The following CMSS1 variants were observed in gnomAD, a reference collection of about 807,000 sequenced individuals.
CMSS1 encodes cms1 ribosomal small subunit homolog, also known as protein CMSS1.
A neutral mutation model predicts 43.5 loss-of-function variants in CMSS1; 33 were observed. The ratio of observed to expected loss-of-function variants is 0.76; its 90% CI spans 0.57 to 1.01. The LOEUF (loss-of-function observed/expected upper bound fraction) is 1.01, where lower values mean the gene tolerates loss of function less well. Ranked by LOEUF, CMSS1 falls within the 50% of genes least tolerant of loss-of-function variation. The pLI is 0.00. For missense variants in CMSS1, 313 were observed against 326.4 expected (o/e 0.96, Z 0.32); for synonymous variants, 115 against 117.2 (o/e 0.98, Z 0.12).
At chr3:100,095,035 A>C (rs971221638) in intron 1 of CMSS1, among the ~76,000 whole-genome samples, 1 of 151,918 alleles carries the variant, frequency 6.6e-6, no homozygotes, top group African/African-American at 2.4e-5. Context: ...GTTGTGAAAA[A>C]CCAGGCAGGC....
intron 1 of CMSS1, among the ~76,000 whole-genome samples, chr3:99,834,576 C>A (rs1457456698): frequency 6.6e-6 from 1 of 152,218 alleles, no homozygotes; most frequent in Non-Finnish European, 1.5e-5. Context: ...AATATACTAA[C>A]CTTAAATACT....
chr3:100,077,041 G>C (rs1215081253), intron 1 of CMSS1, among the ~76,000 whole-genome samples: 1 of 152,152 alleles, frequency 6.6e-6, no homozygotes, highest in Non-Finnish European at 1.5e-5. Context: ...GGCTGGCCAG[G>C]GTACGCTTAC....
At chr3:100,075,697 A>T (rs994254791) in intron 1 of CMSS1, 6 of 152,064 alleles carry the variant, frequency 3.9e-5, no homozygotes, top group African/African-American at 1.4e-4. Flanking sequence ...ATTACACAAC[A>T]TGGTAATAAC....
intron 1 of CMSS1, among the ~76,000 whole-genome samples, chr3:100,108,970 G>C (rs890318598): frequency 1.3e-5 from 2 of 151,838 alleles, no homozygotes; most frequent in Non-Finnish European, 2.9e-5. Context: ...GGTACTTAGA[G>C]TTTATTGCGT....
intron 1 of CMSS1, among the ~76,000 whole-genome samples, chr3:100,001,896 G>T (rs1429825671): frequency 6.6e-6 from 1 of 152,198 alleles, no homozygotes; most frequent in Non-Finnish European, 1.5e-5. Context: ...AGCATAGAAG[G>T]TCGGGGACCC....
At chr3:100,133,122 A>G (rs1365218489) in intron 1 of CMSS1, among the ~76,000 whole-genome samples, 8 of 152,138 alleles carry the variant, frequency 5.3e-5, no homozygotes, top group Admixed American at 5.2e-4. Context: ...GTTACATATA[A>G]TGATGTTTAT....
intron 1 of CMSS1, among the ~76,000 whole-genome samples, chr3:100,048,750 A>G (rs2065319891): frequency 6.6e-6 from 1 of 152,170 alleles, no homozygotes; most frequent in South Asian, 2.1e-4. Flanking sequence ...ATGGACAAAG[A>G]CTGGGATTCC....
chr3:100,010,983 C>T (rs1710137243), intron 1 of CMSS1, among the ~76,000 whole-genome samples: 1 of 151,782 alleles, frequency 6.6e-6, no homozygotes, highest in South Asian at 2.1e-4. Context: ...CCTTTTAAAA[C>T]AGTTATTTAA....
At chr3:99,969,870 C>G (rs1163440271) in intron 1 of CMSS1, among the ~76,000 whole-genome samples, 1 of 152,064 alleles carries the variant, frequency 6.6e-6, no homozygotes, top group Admixed American at 6.6e-5. Context: ...TGCCAAGTGC[C>G]CTAGTCATGA....
intron 1 of CMSS1, among the ~76,000 whole-genome samples, chr3:99,844,921 C>G (rs1024397422): frequency 6.6e-6 from 1 of 152,182 alleles, no homozygotes; most frequent in Non-Finnish European, 1.5e-5. Flanking sequence ...TGTAAGTTTC[C>G]TGAGGCCTCC....
chr3:100,050,244 C>G (rs1489816), intron 1 of CMSS1, among the ~76,000 whole-genome samples: 28,081 of 152,032 alleles, frequency 0.18, 2,934 homozygotes, highest in South Asian at 0.25. Context: ...CACTGTGGTG[C>G]TGTATTAACC....
At chr3:100,034,438 G>A (rs1487218718) in intron 1 of CMSS1, among the ~76,000 whole-genome samples, 1 of 152,104 alleles carries the variant, frequency 6.6e-6, no homozygotes, top group Non-Finnish European at 1.5e-5. Flanking sequence ...TTTCACACTG[G>A]CTTTAGTAAG....
At chr3:100,081,846 T>G (rs947187454) in intron 1 of CMSS1, among the ~76,000 whole-genome samples, 9 of 152,182 alleles carry the variant, frequency 5.9e-5, no homozygotes, top group African/African-American at 2.2e-4. Flanking sequence ...TTGTAGGATG[T>G]TTAGCAGCAT....
Position 100,055,142 on chromosome 3 carries a change from C to T in CMSS1, c.65-91831C>T, listed in dbSNP as rs1575997156. Among the ~76,000 whole-genome samples the T allele has an allele frequency of 2.6e-5, 4 of 152,314 alleles. No individual in the cohort carries two copies. The South Asian group carries it at 8.3e-4, about 32-fold the overall frequency. ...GGTCTGCCCTTCAGAACATTCTCAG[C>T]AGCTCCTATCCCAATTCAGGTCTCC... is the stretch of plus-strand genomic sequence containing the variant. On this transcript the variant is annotated intron_variant, in intron 1 of 9. Coordinates refer to ENST00000421999, the MANE Select transcript of CMSS1 (RefSeq NM_032359.4).
chr3:99,827,928 G>C (rs893342558), intron 1 of CMSS1, among the ~76,000 whole-genome samples: 3 of 152,096 alleles, frequency 2.0e-5, no homozygotes, highest in Non-Finnish European at 4.4e-5. Context: ...TTAGTACTTT[G>C]TATACTATCT....
chr3:99,959,832 A>G (rs934379850), intron 1 of CMSS1, among the ~76,000 whole-genome samples: 1 of 152,182 alleles, frequency 6.6e-6, no homozygotes. Context: ...ATTACCCAAC[A>G]GTAAGATTAT....
intron 1 of CMSS1, among the ~76,000 whole-genome samples, chr3:99,889,457 C>CTGGTGAGT (rs1299108327): frequency 6.6e-6 from 1 of 151,812 alleles, no homozygotes; most frequent in African/African-American, 2.4e-5. Context: ...TTTACCATAC[C>CTGGTGAGT]CTTATGTTCT....
At chr3:99,908,816 A>AT (rs1706702380) in intron 1 of CMSS1, among the ~76,000 whole-genome samples, 1 of 152,140 alleles carries the variant, frequency 6.6e-6, no homozygotes. Context: ...CTTTCTTTGT[A>AT]TTTTTTGTAT....
At chr3:99,907,216 A>G (rs1706645930) in intron 1 of CMSS1, among the ~76,000 whole-genome samples, 2 of 152,038 alleles carry the variant, frequency 1.3e-5, no homozygotes, top group African/African-American at 4.8e-5. Flanking sequence ...GGTGTGGAAT[A>G]GTTATCTTAA....
Sources: allele counts gnomAD v4.1 joint callset (sites outside exome capture counted in the v4.1 genomes callset), GRCh38; gene constraint gnomAD v4.1.1; transcripts MANE v1.5; gene names NCBI Gene and HGNC (gene_info 2026-07-23, HGNC 2026-07-21).